DLGAP1: variants seen among roughly 807,000 people sequenced by gnomAD.
The protein encoded by DLGAP1 is DLG associated protein 1.
A neutral mutation model predicts 90.8 loss-of-function variants in DLGAP1; 11 were observed. That is an observed-to-expected ratio of 0.12 (90% CI 0.08 to 0.20). DLGAP1 has a LOEUF of 0.20. DLGAP1 is among the 10% of genes least tolerant of loss of function. DLGAP1 has a pLI of 1.00. For synonymous variants in DLGAP1, 558 were observed against 540.7 expected, an observed-to-expected ratio of 1.03 and a Z score of -0.44; for missense variants, 1,050 against 1,333.8, an observed-to-expected ratio of 0.79 and a Z score of 3.31.
Position 3,719,276 on chromosome 18 carries a change from G to A in DLGAP1, c.1591+9859C>T, listed in dbSNP as rs955890870. 1.3e-4 allele frequency among the ~76,000 whole-genome samples: 20 copies of A among 151,948 alleles called. No individual in the cohort carries two copies. In the East Asian group the frequency reaches 3.9e-3, roughly 30 times the overall value. On this transcript the variant is annotated intron_variant, in intron 7 of 12. Transcript: ENST00000315677. The stretch of plus-strand genomic sequence containing the variant: ...AGAAATCTACACGTGATAAAATTAT[G>A]GACTATTTGGCCAGGTGCGGTGGCT...
At chr18:3,817,502 T>C (rs1319820716) in intron 4 of DLGAP1, among the ~76,000 whole-genome samples, 1 of 152,110 alleles carries the variant, frequency 6.6e-6, no homozygotes, top group Non-Finnish European at 1.5e-5. Flanking sequence ...AGATTACACA[T>C]AAAATAATAC....
chr18:3,766,717 A>G (rs2147966341), intron 5 of DLGAP1, among the ~76,000 whole-genome samples: 1 of 152,308 alleles, frequency 6.6e-6, no homozygotes, highest in Non-Finnish European at 1.5e-5. Flanking sequence ...GCAAAGCTTA[A>G]TAAGCCATAG....
intron 1 of DLGAP1, among the ~76,000 whole-genome samples, chr18:4,263,118 G>C (rs1013067834): frequency 1.3e-5 from 2 of 152,056 alleles, no homozygotes; most frequent in African/African-American, 4.8e-5. Context: ...ATTTTTAGTA[G>C]AGATGGGGTT....
intron 3 of DLGAP1, among the ~76,000 whole-genome samples, chr18:3,932,489 T>TG (rs752906337): frequency 3.0e-4 from 46 of 152,228 alleles, no homozygotes; most frequent in Admixed American, 2.5e-3. Context: ...GAAATACCCT[T>TG]GCGGGGGAGC....
chr18:4,183,754 A>G (rs888070181), intron 1 of DLGAP1, among the ~76,000 whole-genome samples: 1 of 152,086 alleles, frequency 6.6e-6, no homozygotes, highest in Non-Finnish European at 1.5e-5. Flanking sequence ...ATGCACAATC[A>G]TTTCTTTAAC....
At chr18:3,663,526 T>C (rs1316869786) in intron 7 of DLGAP1, among the ~76,000 whole-genome samples, 1 of 152,204 alleles carries the variant, frequency 6.6e-6, no homozygotes, top group Admixed American at 6.5e-5. Context: ...GAAAAGATGC[T>C]CTGCCAGTAT....
intron 4 of DLGAP1, among the ~76,000 whole-genome samples, chr18:3,863,474 C>T (rs1009840093): frequency 6.6e-6 from 1 of 152,164 alleles, no homozygotes; most frequent in African/African-American, 2.4e-5. Flanking sequence ...TGGTAATAAA[C>T]CCGTTCATTA....
rs2062335533 is a variant in DLGAP1 at position 3,729,509 on chromosome 18, CCTTT to C, written c.1351-138_1351-135del. On this transcript the variant is annotated intron_variant, in intron 6 of 12. Coordinates refer to ENST00000315677, the MANE Select transcript of DLGAP1 (RefSeq NM_004746.4). This position sits in a 1 kb window ranked among gnomAD's most constrained non-coding sequence, Gnocchi z 6.2. ...GATTAAGCTCAAATGCATTTTATTT[CCTTT>C]CTGTTACAGGCTATAATTGAATGGC... 2.4e-6 allele frequency: 3 copies of C among 1,244,012 alleles called. No individual in the cohort carries two copies. The highest frequency in any genetic ancestry group is 3.3e-6 in the Non-Finnish European group (3 of 909,392). The allele number at this position is 1,244,012 out of a possible 1,614,324, so 77.1% of individuals were successfully genotyped here. A position where few individuals can be genotyped will look rare whatever the true frequency, so the allele number is the denominator to read the frequency against.
chr18:4,171,564 C>CA (rs113484195), intron 1 of DLGAP1, among the ~76,000 whole-genome samples: 2,379 of 87,252 alleles, frequency 0.027, 51 homozygotes, highest in African/African-American at 0.081. Context: ...GACTCCATCT[C>CA]AAAAAAAAAA....
chr18:3,570,459 C>T (rs1049579729), intron 8 of DLGAP1, among the ~76,000 whole-genome samples: 4 of 151,530 alleles, frequency 2.6e-5, no homozygotes, highest in African/African-American at 7.3e-5. Flanking sequence ...TTGTATTTTT[C>T]GTAGAGACGG....
intron 4 of DLGAP1, among the ~76,000 whole-genome samples, chr18:3,849,660 G>C (rs1427602111): frequency 6.6e-6 from 1 of 152,148 alleles, no homozygotes; most frequent in African/African-American, 2.4e-5. Context: ...TTCAACAGCA[G>C]CCCTTACCAT....
chr18:4,203,690 C>T (rs1160624083), intron 1 of DLGAP1, among the ~76,000 whole-genome samples: 7 of 152,142 alleles, frequency 4.6e-5, no homozygotes, highest in African/African-American at 1.7e-4. Flanking sequence ...GAGGGCCTCT[C>T]TGGTTCATGG....
At chr18:3,713,603 C>T (rs928475368) in intron 7 of DLGAP1, among the ~76,000 whole-genome samples, 2 of 152,170 alleles carry the variant, frequency 1.3e-5, no homozygotes, top group African/African-American at 2.4e-5. Context: ...AAGCAATAAG[C>T]GGCACATTGA....
chr18:4,432,626 G>GT (rs2083313792), intron 1 of DLGAP1, among the ~76,000 whole-genome samples: 13 of 145,816 alleles, frequency 8.9e-5, no homozygotes, highest in African/African-American at 1.3e-4. Flanking sequence ...GTGTGTGTGT[G>GT]GTGAGAATAT....
chr18:4,424,117 C>G (rs562670467), intron 1 of DLGAP1, among the ~76,000 whole-genome samples: 1 of 152,202 alleles, frequency 6.6e-6, no homozygotes, highest in East Asian at 1.9e-4. Flanking sequence ...TGCCACTGCA[C>G]TTTAGCCTGG....
intron 7 of DLGAP1, chr18:3,655,978 T>G (rs1233527969): frequency 1.8e-6 from 2 of 1,086,988 alleles, no homozygotes; most frequent in South Asian, 1.6e-5. Context: ...AGCTGGCAAT[T>G]CGCACATGGC....
At chr18:3,964,537 T>C (rs537761862) in intron 3 of DLGAP1, among the ~76,000 whole-genome samples, 34 of 152,130 alleles carry the variant, frequency 2.2e-4, no homozygotes, top group Non-Finnish European at 4.0e-4. Flanking sequence ...AGGCTGGAGA[T>C]ACGAGATGGG....
chr18:3,500,630 C>G (rs904173219), intron 12 of DLGAP1, among the ~76,000 whole-genome samples: 1 of 152,096 alleles, frequency 6.6e-6, no homozygotes, highest in Non-Finnish European at 1.5e-5. Flanking sequence ...ACTATATTCT[C>G]CCAACTCTGA....
intron 4 of DLGAP1, among the ~76,000 whole-genome samples, chr18:3,818,968 T>G (rs2067249202): frequency 6.6e-6 from 1 of 151,972 alleles, no homozygotes; most frequent in South Asian, 2.1e-4. Flanking sequence ...TGGAGTATCT[T>G]TTGGTGCTGA....
Sources: gnomAD v4.1 joint callset for allele counts (sites outside exome capture counted in the v4.1 genomes callset) on GRCh38, gnomAD v4.1.1 for gene constraint, Gnocchi (gnomAD v3.1) non-coding constraint, MANE v1.5 for transcripts, NCBI Gene and HGNC (gene_info 2026-07-23, HGNC 2026-07-21) for gene names.